Variants in SGCZ observed in about 807,000 individuals in gnomAD.
SGCZ encodes the protein sarcoglycan zeta, also known as zeta-sarcoglycan.
A neutral mutation model predicts 41.3 loss-of-function variants in SGCZ; 40 were observed. That is an observed-to-expected ratio of 0.97 (90% CI 0.75 to 1.26). The LOEUF (loss-of-function observed/expected upper bound fraction) is 1.26, where lower values mean the gene tolerates loss of function less well. SGCZ is among the 50% of genes most tolerant of loss of function. The probability of loss-of-function intolerance (pLI) is 0.00; values close to 1 mark genes in which losing one functional copy is unlikely to be tolerated. For synonymous variants in SGCZ, 206 were observed against 137.5 expected, an observed-to-expected ratio of 1.50 and a Z score of -3.49; for missense variants, 552 against 369.8, an observed-to-expected ratio of 1.49 and a Z score of -4.04.
At chr8:14,208,660 A>G (rs1282701232) in intron 4 of SGCZ, among the ~76,000 whole-genome samples, 2 of 152,110 alleles carry the variant, frequency 1.3e-5, no homozygotes, top group Non-Finnish European at 2.9e-5. Context: ...CATTATGAAA[A>G]CAACTAGAAA....
At chr8:14,112,752 C>G (rs539600219) in intron 5 of SGCZ, among the ~76,000 whole-genome samples, 40 of 152,090 alleles carry the variant, frequency 2.6e-4, no homozygotes, top group African/African-American at 9.6e-4. Flanking sequence ...AACATGATCT[C>G]TAAGGTACTT....
chr8:14,596,787 T>C (rs934831586), intron 1 of SGCZ, among the ~76,000 whole-genome samples: 2 of 152,122 alleles, frequency 1.3e-5, no homozygotes, highest in African/African-American at 2.4e-5. Flanking sequence ...TGTATACCTA[T>C]GTAACAAACC....
chr8:14,191,876 G>A (rs1222317618), intron 4 of SGCZ, among the ~76,000 whole-genome samples: 2 of 151,840 alleles, frequency 1.3e-5, no homozygotes, highest in African/African-American at 4.8e-5. Context: ...TATCCTGTAG[G>A]ATTCCTCAAC....
rs542308495 is a variant in SGCZ at position 14,807,570 on chromosome 8, G to T, written c.40-252644C>A. On this transcript the variant is annotated intron_variant, in intron 1 of 7. Transcript: ENST00000382080. Reference sequence around the variant, plus strand: ...GGAGAACTACAAACCACTGCTCAAGGAAATAAAAGAGGATACAAACAAATG... The same window carrying T: ...GGAGAACTACAAACCACTGCTCAAGTAAATAAAAGAGGATACAAACAAATG... Among the ~76,000 whole-genome samples the T allele has an allele frequency of 5.2e-3, 783 of 151,736 alleles. 7 individuals are homozygous for T. Among genetic ancestry groups the T allele is most frequent in the African/African-American group, 0.018 (760 of 41,384 alleles).
intron 1 of SGCZ, among the ~76,000 whole-genome samples, chr8:14,655,024 T>C (rs1255417289): frequency 2.0e-5 from 3 of 152,064 alleles, no homozygotes; most frequent in Non-Finnish European, 4.4e-5. Flanking sequence ...TCAGGAAATA[T>C]TACATAATAC....
intron 2 of SGCZ, among the ~76,000 whole-genome samples, chr8:14,528,170 AT>A (rs954635455): frequency 1.3e-5 from 2 of 152,108 alleles, no homozygotes; most frequent in Non-Finnish European, 1.5e-5. Context: ...ACATAAAAAA[AT>A]AGATTGATAC....
At chr8:14,092,282 G>C (rs946864819) in intron 7 of SGCZ, among the ~76,000 whole-genome samples, 1 of 151,970 alleles carries the variant, frequency 6.6e-6, no homozygotes, top group East Asian at 1.9e-4. Flanking sequence ...TTTTGCTTAG[G>C]ATTGTCTTGG....
rs190222865 is a variant in SGCZ at position 14,933,382 on chromosome 8, G to C, written c.39+304203C>G. 4.1e-3 allele frequency among the ~76,000 whole-genome samples: 620 copies of C among 151,564 alleles called. 6 individuals are homozygous for C. Among genetic ancestry groups the C allele is most frequent in the South Asian group, 0.017 (83 of 4,798 alleles). On this transcript the variant is annotated intron_variant, in intron 1 of 7. Coordinates refer to ENST00000382080, the MANE Select transcript of SGCZ (RefSeq NM_139167.4). The stretch of plus-strand genomic sequence containing the variant: ...TGAGCTCTCTGCAAAAATGGAACCA[G>C]AGTATTTCAGCACCATTGAAGGAGT...
At chr8:14,477,645 T>C (rs910817740) in intron 2 of SGCZ, among the ~76,000 whole-genome samples, 3 of 152,180 alleles carry the variant, frequency 2.0e-5, no homozygotes, top group Admixed American at 1.3e-4. Context: ...TCTAGTCTAA[T>C]TACCATGAAA....
intron 1 of SGCZ, among the ~76,000 whole-genome samples, chr8:15,075,210 T>G (rs2131034405): frequency 7.9e-6 from 1 of 126,394 alleles, no homozygotes; most frequent in East Asian, 2.4e-4. Context: ...ACAATTAGTT[T>G]ATGTAGTAGT....
At chr8:15,104,537 G>A (rs1806743455) in intron 1 of SGCZ, among the ~76,000 whole-genome samples, 2 of 152,182 alleles carry the variant, frequency 1.3e-5, no homozygotes, top group African/African-American at 4.8e-5. Context: ...TTGCCTTGCT[G>A]GCACTTCCAG....
chr8:14,566,889 C>A (rs1364791189), intron 1 of SGCZ, among the ~76,000 whole-genome samples: 1 of 152,126 alleles, frequency 6.6e-6, no homozygotes, highest in African/African-American at 2.4e-5. Flanking sequence ...TCCAGGTGGG[C>A]GGCTGTGGGC....
chr8:14,729,034 G>A (rs1810147911), intron 1 of SGCZ, among the ~76,000 whole-genome samples: 1 of 152,132 alleles, frequency 6.6e-6, no homozygotes, highest in Non-Finnish European at 1.5e-5. Flanking sequence ...TGGTCACTAG[G>A]AATTAAGCCT....
At chr8:14,707,360 G>A (rs552852878) in intron 1 of SGCZ, among the ~76,000 whole-genome samples, 2 of 151,982 alleles carry the variant, frequency 1.3e-5, no homozygotes, top group East Asian at 3.9e-4. Context: ...TTTAACAAAC[G>A]ATGTTAGTAA....
intron 1 of SGCZ, among the ~76,000 whole-genome samples, chr8:14,610,991 G>A (rs1427470777): frequency 6.6e-6 from 1 of 152,016 alleles, no homozygotes. Flanking sequence ...GATAGGCTCA[G>A]CTACTTGACT....
Position 14,250,236 on chromosome 8 carries a change from T to C in SGCZ, c.337-12557A>G, listed in dbSNP as rs1056032186. On this transcript the variant is annotated intron_variant, in intron 3 of 7. Transcript: ENST00000382080. ...AGATCTGGAGTGTGGCCCCAAATCA[T>C]AGATCAAGTAGAACATTGCAATTGT... 5.3e-5 allele frequency among the ~76,000 whole-genome samples: 8 copies of C among 152,176 alleles called. No homozygotes were observed. In the East Asian group the frequency reaches 7.7e-4, roughly 15 times the overall value.
At chr8:14,464,227 G>A (rs1243328363) in intron 2 of SGCZ, among the ~76,000 whole-genome samples, 1 of 151,434 alleles carries the variant, frequency 6.6e-6, no homozygotes, top group African/African-American at 2.4e-5. Flanking sequence ...AGAATCCACT[G>A]GTGAAGCCAT....
intron 1 of SGCZ, among the ~76,000 whole-genome samples, chr8:14,706,412 T>G (rs1462353642): frequency 1.3e-5 from 2 of 152,264 alleles, no homozygotes; most frequent in East Asian, 1.9e-4. Context: ...TTAAGGATGT[T>G]CTTAAGCTCT....
intron 2 of SGCZ, among the ~76,000 whole-genome samples, chr8:14,377,771 T>C (rs1804187987): frequency 6.6e-6 from 1 of 151,146 alleles, no homozygotes; most frequent in East Asian, 2.0e-4. Context: ...TGAGTGAGAA[T>C]ATGCGGTGTT....
Sources: gnomAD v4.1 joint callset for allele counts (sites outside exome capture counted in the v4.1 genomes callset) on GRCh38, gnomAD v4.1.1 for gene constraint, MANE v1.5 for transcripts, NCBI Gene and HGNC (gene_info 2026-07-23, HGNC 2026-07-21) for gene names.